SMAD1: variants seen among roughly 807,000 people sequenced by gnomAD.
The protein encoded by SMAD1 is SMAD family member 1.
SMAD1 carries 6 observed loss-of-function variants against 41.6 expected under a neutral mutation model. That is an observed-to-expected ratio of 0.14 (90% CI 0.08 to 0.28). The LOEUF is 0.28. Ranked by LOEUF, SMAD1 falls within the 10% of genes least tolerant of loss-of-function variation. The probability of loss-of-function intolerance (pLI) is 1.00; values close to 1 mark genes in which losing one functional copy is unlikely to be tolerated. For synonymous variants in SMAD1, 206 were observed against 203.2 expected, an observed-to-expected ratio of 1.01 and a Z score of -0.12; for missense variants, 379 against 582.6, an observed-to-expected ratio of 0.65 and a Z score of 3.60.
At chr4:145,492,467 G>A (rs566053268) in intron 1 of SMAD1, among the ~76,000 whole-genome samples, 2 of 152,350 alleles carry the variant, frequency 1.3e-5, no homozygotes, top group East Asian at 3.9e-4. Context: ...GAGATACATA[G>A]GGCAAGGTGT....
intron 2 of SMAD1, among the ~76,000 whole-genome samples, chr4:145,535,743 T>G (rs1731576517): frequency 6.6e-6 from 1 of 152,150 alleles, no homozygotes; most frequent in Non-Finnish European, 1.5e-5. Flanking sequence ...AGTATATTGT[T>G]TTGACTTTAA....
intron 2 of SMAD1, among the ~76,000 whole-genome samples, chr4:145,539,350 T>C (rs1175324032): frequency 6.6e-6 from 1 of 152,258 alleles, no homozygotes; most frequent in African/African-American, 2.4e-5. Context: ...TGAATTAGTG[T>C]GTCAGCTTAA....
At chr4:145,556,599 AGGCGTGT>A (rs1453484981) in intron 6 of SMAD1, among the ~76,000 whole-genome samples, 3 of 151,954 alleles carry the variant, frequency 2.0e-5, no homozygotes, top group Non-Finnish European at 4.4e-5. Context: ...CTGGGATTAC[AGGCGTGT>A]GGCCACCGCA....
At chr4:145,531,913 G>A (rs1346418938) in intron 2 of SMAD1, among the ~76,000 whole-genome samples, 2 of 151,722 alleles carry the variant, frequency 1.3e-5, no homozygotes, top group East Asian at 1.9e-4. Flanking sequence ...GCTTTCTCAC[G>A]AACATTTGGT....
intron 4 of SMAD1, chr4:145,546,016 G>T (rs753339100): frequency 1.3e-5 from 2 of 152,348 alleles, no homozygotes; most frequent in African/African-American, 4.8e-5. Flanking sequence ...CACCTGCTCT[G>T]CATGACTTAA....
At chr4:145,509,858 A>G (rs1729984155) in intron 1 of SMAD1, among the ~76,000 whole-genome samples, 1 of 152,200 alleles carries the variant, frequency 6.6e-6, no homozygotes, top group Non-Finnish European at 1.5e-5. Context: ...AAAACAGCGG[A>G]CACCCTGTGG....
In SMAD1 at chr4:145,553,859, G is replaced by A. The variant is rs1732691003; in HGVS notation, c.1073G>A (p.Arg358Gln). The A allele has an allele frequency of 6.2e-7, 1 of 1,613,978 alleles. No individual in the cohort carries two copies. Among genetic ancestry groups the A allele is most frequent in the Non-Finnish European group, 8.5e-7 (1 of 1,179,944 alleles). Reference sequence around the variant, plus strand: ...GACAGTAGCATCTTTGTGCAAAGTCGGAACTGCAACTACCATCATGGATTT... The same window carrying A: ...GACAGTAGCATCTTTGTGCAAAGTCAGAACTGCAACTACCATCATGGATTT... The part of the protein sequence containing the change: ...LSDSSIFVQS[R>Q]NCNYHHGFHP... The change falls in exon 6 of 7, where the codon CGG becomes CAG. Residue 358 changes from arginine (R) to glutamine (Q), a missense_variant. By Grantham distance (43) the Arg-to-Gln change is conservative. Around this residue, in one of 3 missense-constraint regions of SMAD1, gnomAD observed 107 missense variants for 218.3 expected, o/e 0.49. Transcript: ENST00000302085.
intron 2 of SMAD1, among the ~76,000 whole-genome samples, chr4:145,519,873 T>A (rs1330210426): frequency 6.6e-6 from 1 of 152,162 alleles, no homozygotes; most frequent in African/African-American, 2.4e-5. Context: ...TATTTTAGAT[T>A]CCACATGTAG....
At chr4:145,512,702 C>T (rs898418214) in intron 1 of SMAD1, among the ~76,000 whole-genome samples, 5 of 152,116 alleles carry the variant, frequency 3.3e-5, no homozygotes, top group Admixed American at 1.3e-4. Flanking sequence ...ACCTGGGTCA[C>T]CCGTTAGGTC....
chr4:145,499,775 C>A (rs912888224), intron 1 of SMAD1, among the ~76,000 whole-genome samples: 1 of 152,014 alleles, frequency 6.6e-6, no homozygotes, highest in Non-Finnish European at 1.5e-5. Flanking sequence ...CCATCTGGTC[C>A]CAAGCATTTC....
intron 1 of SMAD1, among the ~76,000 whole-genome samples, chr4:145,510,142 C>T (rs1317560166): frequency 6.6e-6 from 1 of 152,094 alleles, no homozygotes; most frequent in Non-Finnish European, 1.5e-5. Context: ...ACGATTTCCC[C>T]ATTCTGATCC....
chr4:145,517,527 T>C (rs183427733), intron 2 of SMAD1, among the ~76,000 whole-genome samples: 38 of 152,282 alleles, frequency 2.5e-4, no homozygotes, highest in African/African-American at 9.1e-4. Context: ...CTCTGCAAGA[T>C]AGTAAATAAA....
intron 1 of SMAD1, among the ~76,000 whole-genome samples, chr4:145,511,043 A>G (rs563551692): frequency 6.6e-6 from 1 of 152,100 alleles, no homozygotes; most frequent in Non-Finnish European, 1.5e-5. Flanking sequence ...TGGAATATGC[A>G]TAGTATATAT....
chr4:145,493,110 C>T (rs1728861367), intron 1 of SMAD1, among the ~76,000 whole-genome samples: 1 of 152,170 alleles, frequency 6.6e-6, no homozygotes, highest in Non-Finnish European at 1.5e-5. Context: ...CCACTAGCAT[C>T]CCCTACCCAT....
chr4:145,520,601 A>G (rs1730686891), intron 2 of SMAD1, among the ~76,000 whole-genome samples: 1 of 152,242 alleles, frequency 6.6e-6, no homozygotes, highest in Non-Finnish European at 1.5e-5. Context: ...GGATACAGAT[A>G]GAAAATTGCT....
intron 1 of SMAD1, among the ~76,000 whole-genome samples, chr4:145,508,471 A>G (rs896863453): frequency 2.2e-4 from 33 of 151,910 alleles, no homozygotes; most frequent in Admixed American, 6.6e-4. Context: ...AAATGATAGT[A>G]TTTACTTCAC....
rs1252295323 is a variant in SMAD1 at position 145,481,978 on chromosome 4, C to T, written c.-237C>T. The T allele has an allele frequency of 3.3e-5, 5 of 151,994 alleles. No homozygotes were observed. Among genetic ancestry groups the T allele is most frequent in the Admixed American group, 6.6e-5 (1 of 15,260 alleles). 9.4% of individuals were successfully genotyped at this position (151,994 alleles called of 1,614,324 possible). ...AGCGCCCGGCCGTCCGGACCCGGGC[C>T]GCGAGACCCCGCTCGCCCGGCCACT... is the stretch of plus-strand genomic sequence containing the variant. On this transcript the variant is annotated 5_prime_UTR_variant, in exon 1 of 7. Transcript: ENST00000302085.
chr4:145,512,083 C>T (rs564856017), intron 1 of SMAD1, among the ~76,000 whole-genome samples: 29 of 152,300 alleles, frequency 1.9e-4, no homozygotes, highest in Non-Finnish European at 3.1e-4. Flanking sequence ...GATGTCATTT[C>T]ATTGTCTTCT....
At chr4:145,543,123 C>T (rs889359489) in intron 4 of SMAD1, among the ~76,000 whole-genome samples, 3 of 152,078 alleles carry the variant, frequency 2.0e-5, no homozygotes, top group African/African-American at 2.4e-5. Flanking sequence ...CACACCATCA[C>T]GCCCGACTAA....
Sources: gnomAD v4.1 joint callset for allele counts (sites outside exome capture counted in the v4.1 genomes callset) on GRCh38, gnomAD v4.1.1 for gene constraint, gnomAD v4.1.1 regional missense constraint, MANE v1.5 for transcripts, NCBI Gene and HGNC (gene_info 2026-07-23, HGNC 2026-07-21) for gene names.